The following ZMAT4 variants were observed in gnomAD, a reference collection of about 807,000 sequenced individuals.
ZMAT4 encodes zinc finger matrin-type protein 4.
ZMAT4 carries 17 observed loss-of-function variants against 28.7 expected under a neutral mutation model. That is an observed-to-expected ratio of 0.59 (90% CI 0.41 to 0.89). ZMAT4 has a LOEUF of 0.89. Ranked by LOEUF, ZMAT4 falls within the 40% of genes least tolerant of loss-of-function variation. The pLI is 0.00. For missense variants in ZMAT4, 240 were observed against 283.8 expected (o/e 0.85, Z 1.11); for synonymous variants, 117 against 109.2 (o/e 1.07, Z -0.44).
chr8:40,544,422 A>G (rs1803134740), intron 6 of ZMAT4, among the ~76,000 whole-genome samples: 1 of 152,200 alleles, frequency 6.6e-6, no homozygotes, highest in Admixed American at 6.5e-5. Context: ...TCAAAGGATC[A>G]GCGTGTTATT....
At chr8:40,590,538 C>A (rs1030257170) in intron 5 of ZMAT4, among the ~76,000 whole-genome samples, 8 of 152,126 alleles carry the variant, frequency 5.3e-5, no homozygotes, top group Non-Finnish European at 1.0e-4. Context: ...CTTCCTGCAT[C>A]ACCTCCAGGC....
chr8:40,579,438 C>T (rs956021455), intron 6 of ZMAT4, among the ~76,000 whole-genome samples: 1 of 152,144 alleles, frequency 6.6e-6, no homozygotes, highest in Non-Finnish European at 1.5e-5. Context: ...ATAATTAATA[C>T]AAGAACTCTA....
intron 5 of ZMAT4, among the ~76,000 whole-genome samples, chr8:40,628,135 T>C (rs1384573585): frequency 6.6e-6 from 1 of 152,162 alleles, no homozygotes; most frequent in African/African-American, 2.4e-5. Flanking sequence ...ATCTCGATCA[T>C]AGCATGCCTC....
At chr8:40,634,140 A>C (rs1202535507) in intron 5 of ZMAT4, among the ~76,000 whole-genome samples, 1 of 152,252 alleles carries the variant, frequency 6.6e-6, no homozygotes, top group African/African-American at 2.4e-5. Flanking sequence ...TATCTTAAAA[A>C]AAAGTTATGG....
intron 6 of ZMAT4, among the ~76,000 whole-genome samples, chr8:40,534,527 G>A (rs1025382933): frequency 2.0e-4 from 31 of 152,248 alleles, no homozygotes; most frequent in African/African-American, 7.2e-4. Context: ...TTCTCTGACA[G>A]CCTTAAATAT....
chr8:40,704,393 T>C (rs1014048111), intron 3 of ZMAT4, among the ~76,000 whole-genome samples: 3 of 152,200 alleles, frequency 2.0e-5, no homozygotes, highest in Admixed American at 6.5e-5. Context: ...CCTCCTGACC[T>C]GTTTAAGTCA....
intron 6 of ZMAT4, among the ~76,000 whole-genome samples, chr8:40,546,846 C>T (rs2118404181): frequency 6.6e-6 from 1 of 152,256 alleles, no homozygotes; most frequent in Non-Finnish European, 1.5e-5. Context: ...TGGATTGTGG[C>T]TCCTACTGCC....
intron 2 of ZMAT4, chr8:40,808,715 GA>G (rs899822423): frequency 2.0e-3 from 447 of 220,850 alleles, no homozygotes; most frequent in South Asian, 3.9e-3. Context: ...TGAAGAGGAA[GA>G]AAAAAAAAAG....
intron 1 of ZMAT4, among the ~76,000 whole-genome samples, chr8:40,833,725 A>G (rs2150619961): frequency 6.6e-6 from 1 of 152,236 alleles, no homozygotes; most frequent in South Asian, 2.1e-4. Context: ...AGGCAGGAGA[A>G]TCCCCCATGC....
chr8:40,882,460 G>T (rs961144280), intron 1 of ZMAT4, among the ~76,000 whole-genome samples: 2 of 152,126 alleles, frequency 1.3e-5, no homozygotes, highest in African/African-American at 4.8e-5. Context: ...TGCTGGAGCT[G>T]TGAAAGTCGG....
At chr8:40,806,937 C>T (rs1324415139) in intron 2 of ZMAT4, among the ~76,000 whole-genome samples, 4 of 151,798 alleles carry the variant, frequency 2.6e-5, no homozygotes, top group African/African-American at 7.3e-5. Flanking sequence ...TAGAAGAAAA[C>T]GCTCAGAAAT....
intron 3 of ZMAT4, among the ~76,000 whole-genome samples, chr8:40,735,045 GC>G (rs745811441): frequency 1.1e-4 from 16 of 152,280 alleles, no homozygotes; most frequent in South Asian, 4.1e-4. Context: ...AGCTGACTCA[GC>G]TTTTTACTGA....
At chr8:40,561,131 T>G (rs945872543) in intron 6 of ZMAT4, among the ~76,000 whole-genome samples, 1 of 152,186 alleles carries the variant, frequency 6.6e-6, no homozygotes, top group Non-Finnish European at 1.5e-5. Context: ...CAAAGAGACT[T>G]CTGTGCAAAG....
chr8:40,720,866 T>A (rs1253175020), intron 3 of ZMAT4, among the ~76,000 whole-genome samples: 1 of 151,660 alleles, frequency 6.6e-6, no homozygotes, highest in African/African-American at 2.4e-5. Flanking sequence ...TTTAGCACAA[T>A]CTGAGTAAGG....
chr8:40,627,851 G>A (rs542686152), intron 5 of ZMAT4, among the ~76,000 whole-genome samples: 1 of 152,208 alleles, frequency 6.6e-6, no homozygotes, highest in Admixed American at 6.5e-5. Flanking sequence ...GATGGGGCGG[G>A]AGGGAAAGAT....
intron 2 of ZMAT4, among the ~76,000 whole-genome samples, chr8:40,770,486 CTTCCTCCCTCCCTCCT>C (rs1563472499): frequency 6.6e-6 from 1 of 151,734 alleles, no homozygotes; most frequent in Non-Finnish European, 1.5e-5. Flanking sequence ...CCCCTCCTTC[CTTCCTCCCTCCCTCCT>C]TCCCTCCCTC....
At chr8:40,567,626 CT>C (rs1336799678) in intron 6 of ZMAT4, among the ~76,000 whole-genome samples, 2 of 151,266 alleles carry the variant, frequency 1.3e-5, no homozygotes, top group Non-Finnish European at 2.9e-5. Context: ...TTGAACCCCC[CT>C]GGGAGGCGGA....
chr8:40,823,475 G>A (rs980466709), intron 2 of ZMAT4, among the ~76,000 whole-genome samples: 2 of 152,098 alleles, frequency 1.3e-5, no homozygotes, highest in Admixed American at 6.6e-5. Context: ...TGGCTAACAC[G>A]GTAAAACCCT....
At chr8:40,706,943 C>G (rs1433499119) in intron 3 of ZMAT4, among the ~76,000 whole-genome samples, 1 of 152,166 alleles carries the variant, frequency 6.6e-6, no homozygotes, top group Non-Finnish European at 1.5e-5. Flanking sequence ...ATCTTTCTAT[C>G]TCTGCCCTGG....
Sources: gnomAD v4.1 joint callset for allele counts (sites outside exome capture counted in the v4.1 genomes callset) on GRCh38, gnomAD v4.1.1 for gene constraint, MANE v1.5 for transcripts, NCBI Gene and HGNC (gene_info 2026-07-23, HGNC 2026-07-21) for gene names.